Variants in HCN1 observed in about 807,000 individuals in gnomAD.
HCN1 encodes potassium/sodium hyperpolarization-activated cyclic nucleotide-gated channel 1.
Under a neutral mutation model 78.9 loss-of-function variants are expected in HCN1, and 13 were observed. The observed-to-expected ratio is 0.16, with a 90% CI of 0.11 to 0.26. The LOEUF (loss-of-function observed/expected upper bound fraction) is 0.26, where lower values mean the gene tolerates loss of function less well. HCN1 is among the 10% of genes least tolerant of loss of function. The pLI is 1.00. For missense variants in HCN1, 810 were observed against 1,154.3 expected (o/e 0.70, Z 4.32); for synonymous variants, 552 against 455.5 (o/e 1.21, Z -2.70).
chr5:45,423,594 C>A (rs1226619211), intron 3 of HCN1, among the ~76,000 whole-genome samples: 2 of 152,170 alleles, frequency 1.3e-5, no homozygotes, highest in Admixed American at 1.3e-4. Flanking sequence ...TCTTGAATAT[C>A]CAGCTCGTAT....
intron 1 of HCN1, among the ~76,000 whole-genome samples, chr5:45,688,810 T>C (rs898631152): frequency 2.6e-5 from 4 of 152,046 alleles, no homozygotes; most frequent in Non-Finnish European, 2.9e-5. Context: ...AGGAAATGAA[T>C]AAAGTACTGA....
At position 45,267,211 on chromosome 5, in the gene HCN1, C is replaced by A; in HGVS notation, c.1661G>T (p.Arg554Leu). 1 of 1,613,930 alleles carries A rather than the reference C, an allele frequency of 6.2e-7. No homozygotes were observed. Among genetic ancestry groups the A allele is most frequent in the Non-Finnish European group, 8.5e-7 (1 of 1,179,956 alleles). ...LTKGRRTASV[R>L]ADTYCRLYSL... is the part of the protein sequence containing the mutation. ...GTAAAGACGACAATATGTATCAGCT[C>A]GAACACTGGCAGTACGACGTCCTTT... The change falls in exon 7 of 8, where the codon CGA becomes CTA. Residue 554 changes from arginine to leucine, a missense_variant. Arg to Leu is a moderately radical substitution (Grantham distance 102). This residue lies in a region of HCN1 where 36 missense variants were observed against 58.5 expected (regional missense o/e 0.62). Transcript: ENST00000303230.
intron 3 of HCN1, among the ~76,000 whole-genome samples, chr5:45,430,426 T>TA (rs1740438812): frequency 6.6e-6 from 1 of 151,882 alleles, no homozygotes; most frequent in Non-Finnish European, 1.5e-5. Flanking sequence ...TTTTTTTTTT[T>TA]ATTCTCTCCC....
chr5:45,369,921 T>A lies in HCN1; in HGVS notation c.1231-16675A>T, dbSNP rs549827897. The stretch of plus-strand genomic sequence containing the variant: ...AGCTCTGTATTTTCTTAAATCAAGT[T>A]TTCAAGTTTGTAAATAACAATAACA... On this transcript the variant is annotated intron_variant, in intron 4 of 7. Transcript: ENST00000303230. 2.6e-5 allele frequency among the ~76,000 whole-genome samples: 4 copies of A among 152,158 alleles called. No homozygotes were observed. In the East Asian group the frequency reaches 5.8e-4, roughly 22 times the overall value.
At chr5:45,484,556 T>A (rs1197125939) in intron 2 of HCN1, among the ~76,000 whole-genome samples, 1 of 152,134 alleles carries the variant, frequency 6.6e-6, no homozygotes, top group Non-Finnish European at 1.5e-5. Flanking sequence ...CCTTTTAAAA[T>A]GAGAATGTGA....
At chr5:45,429,961 T>A (rs1740429614) in intron 3 of HCN1, among the ~76,000 whole-genome samples, 1 of 152,118 alleles carries the variant, frequency 6.6e-6, no homozygotes, top group Non-Finnish European at 1.5e-5. Flanking sequence ...GATGGATTTT[T>A]TTTTTTAAGA....
intron 1 of HCN1, among the ~76,000 whole-genome samples, chr5:45,683,232 A>C (rs1739738771): frequency 6.6e-6 from 1 of 152,030 alleles, no homozygotes; most frequent in Admixed American, 6.6e-5. Context: ...TCAGTAAATC[A>C]TTTTTCTAAT....
intron 2 of HCN1, among the ~76,000 whole-genome samples, chr5:45,609,811 AG>A (rs1401777797): frequency 2.0e-5 from 3 of 152,170 alleles, no homozygotes; most frequent in Non-Finnish European, 2.9e-5. Flanking sequence ...GGAGAAGCAA[AG>A]AGGAAGAACC....
chr5:45,357,057 C>A (rs192529126), intron 4 of HCN1, among the ~76,000 whole-genome samples: 1 of 152,010 alleles, frequency 6.6e-6, no homozygotes, highest in Non-Finnish European at 1.5e-5. Context: ...CCTCCTTATC[C>A]CACCAGATAG....
chr5:45,279,569 A>G (rs1295564853), intron 6 of HCN1, among the ~76,000 whole-genome samples: 1 of 152,180 alleles, frequency 6.6e-6, no homozygotes, highest in African/African-American at 2.4e-5. Context: ...CTATATTACT[A>G]GAATACTAGT....
Position 45,396,573 on chromosome 5 carries a change from G to A in HCN1, c.1149C>T (p.Ala383=). The change falls in exon 4 of 8, where the codon GCC becomes GCT. Residue 383 remains alanine (A), a synonymous_variant. Coordinates refer to ENST00000303230, the MANE Select transcript of HCN1 (RefSeq NM_021072.4). ...GGCCGACAAACATGGCATAGCAGGT[G>A]GCCCCGACGATCATGCTCAGCATGG... The part of the protein sequence containing the change: ...WITMLSMIVG[A]TCYAMFVGHA... 1 of 1,613,848 alleles carries A rather than the reference G, an allele frequency of 6.2e-7. No homozygotes were observed. The highest frequency in any genetic ancestry group is 8.5e-7 in the Non-Finnish European group (1 of 1,179,876).
intron 2 of HCN1, among the ~76,000 whole-genome samples, chr5:45,604,197 T>A (rs1409461722): frequency 6.6e-6 from 1 of 152,136 alleles, no homozygotes; most frequent in African/African-American, 2.4e-5. Context: ...AACACTTCCT[T>A]GATCTTTACA....
At chr5:45,498,585 C>G (rs923515823) in intron 2 of HCN1, among the ~76,000 whole-genome samples, 3 of 152,204 alleles carry the variant, frequency 2.0e-5, no homozygotes, top group African/African-American at 7.2e-5. Context: ...TCTCTCAGCT[C>G]GTCAAAGTCA....
chr5:45,396,412 T>G, intron 4 of HCN1, 80 bp downstream of exon 4: 1 of 1,003,206 alleles, frequency 1.0e-6, no homozygotes, highest in Non-Finnish European at 1.5e-6. Flanking sequence ...GAGGAGATGG[T>G]GTAGTTATCT....
chr5:45,426,279 A>C (rs904512688), intron 3 of HCN1, among the ~76,000 whole-genome samples: 10 of 152,172 alleles, frequency 6.6e-5, no homozygotes, highest in African/African-American at 2.2e-4. Context: ...TTATGGAGCT[A>C]ATGTGAATGG....
At chr5:45,365,938 A>G (rs1747225225) in intron 4 of HCN1, among the ~76,000 whole-genome samples, 1 of 151,760 alleles carries the variant, frequency 6.6e-6, no homozygotes, top group Non-Finnish European at 1.5e-5. Context: ...AACTTAAATG[A>G]CCTCCCATTT....
chr5:45,273,286 G>A (rs1744993769), intron 6 of HCN1, among the ~76,000 whole-genome samples: 1 of 152,098 alleles, frequency 6.6e-6, no homozygotes, highest in South Asian at 2.1e-4. Context: ...GTGTCAGAAA[G>A]AGTGTGGCCT....
At chr5:45,264,073 G>A (rs547526801) in intron 7 of HCN1, among the ~76,000 whole-genome samples, 64 of 152,186 alleles carry the variant, frequency 4.2e-4, no homozygotes, top group Non-Finnish European at 8.5e-4. Context: ...GATTACAGGC[G>A]TGAGCCACCA....
chr5:45,360,963 G>C (rs903708462), intron 4 of HCN1, among the ~76,000 whole-genome samples: 18 of 152,106 alleles, frequency 1.2e-4, no homozygotes, highest in African/African-American at 4.3e-4. Flanking sequence ...ATATGCAAAA[G>C]CTTTTTTGAA....
Sources: allele counts gnomAD v4.1 joint callset (sites outside exome capture counted in the v4.1 genomes callset), GRCh38; gene constraint gnomAD v4.1.1; regional missense constraint gnomAD v4.1.1; transcripts MANE v1.5; gene names NCBI Gene and HGNC (gene_info 2026-07-23, HGNC 2026-07-21).